The following DHRSX variants were observed in gnomAD, a reference collection of about 807,000 sequenced individuals.
DHRSX encodes the protein dehydrogenase/reductase X-linked.
A neutral mutation model predicts 34.0 loss-of-function variants in DHRSX; 31 were observed. The observed-to-expected ratio is 0.91, with a 90% confidence interval of 0.69 to 1.23. DHRSX has a LOEUF of 1.23. Ranked by LOEUF, DHRSX falls within the 50% of genes most tolerant of loss-of-function variation. The pLI, the probability that DHRSX is intolerant of heterozygous loss-of-function variation, is 0.00. For synonymous variants in DHRSX, 201 were observed against 183.8 expected (o/e 1.09, Z -0.76); for missense variants, 414 against 428.1 (o/e 0.97, Z 0.29).
chrX:2,401,460 T>A (rs2043484680), intron 3 of DHRSX, among the ~76,000 whole-genome samples: 1 of 152,150 alleles, frequency 6.6e-6, no homozygotes, highest in Admixed American at 6.6e-5. Context: ...AGTTACACAA[T>A]CATTATAGAA....
intron 1 of DHRSX, chrX:2,489,523 C>T: frequency 1.2e-6 from 2 of 1,613,076 alleles, no homozygotes; most frequent in Middle Eastern, 3.7e-4. Context: ...GCTGCAGGAG[C>T]TCCACCAGCC....
intron 4 of DHRSX, among the ~76,000 whole-genome samples, chrX:2,267,153 T>G (rs2041486142): frequency 6.6e-6 from 1 of 152,214 alleles, no homozygotes; most frequent in South Asian, 2.1e-4. Context: ...CCTTCCTGCC[T>G]TCTGTCTCTG....
chrX:2,425,142 GAAAA>G, intron 2 of DHRSX, 51 bp downstream of exon 2: 1 of 1,224,980 alleles, frequency 8.2e-7, no homozygotes, highest in Non-Finnish European at 1.2e-6. Context: ...TCCTGTCTCA[GAAAA>G]AAAAAAAAAC....
At chrX:2,484,961 C>A (rs1016604711) in intron 1 of DHRSX, among the ~76,000 whole-genome samples, 1 of 152,042 alleles carries the variant, frequency 6.6e-6, no homozygotes, top group South Asian at 2.1e-4. Context: ...CTAAAACATC[C>A]GAAACCTTTT....
chrX:2,248,432 C>CAAAAAAAAAA (rs574631590), intron 5 of DHRSX, among the ~76,000 whole-genome samples: 1 of 111,072 alleles, frequency 9.0e-6, no homozygotes, highest in Non-Finnish European at 1.9e-5. Context: ...GACTCTGTCT[C>CAAAAAAAAAA]AAAAAAAAAA....
At chrX:2,472,827 T>A (rs1341202660) in intron 1 of DHRSX, among the ~76,000 whole-genome samples, 3 of 151,998 alleles carry the variant, frequency 2.0e-5, no homozygotes, top group Admixed American at 6.6e-5. Flanking sequence ...TTTTACTGAA[T>A]TTTTTTTAAG....
At chrX:2,245,967 A>C (rs1369976362) in intron 5 of DHRSX, among the ~76,000 whole-genome samples, 2 of 147,344 alleles carry the variant, frequency 1.4e-5, no homozygotes, top group Non-Finnish European at 1.5e-5. Context: ...ATCTCAAAAA[A>C]AACAAAAAAA....
chrX:2,426,686 C>T (rs750463770), intron 1 of DHRSX, among the ~76,000 whole-genome samples: 57 of 148,118 alleles, frequency 3.8e-4, no homozygotes, highest in African/African-American at 1.3e-3. Context: ...CCTTCCCTCC[C>T]TTTCCTTCCT....
intron 4 of DHRSX, among the ~76,000 whole-genome samples, chrX:2,289,663 C>A (rs1210580338): frequency 1.3e-5 from 2 of 151,952 alleles, no homozygotes; most frequent in African/African-American, 4.8e-5. Context: ...CTCCACAGTG[C>A]CTCTAAGTGG....
At chrX:2,401,507 A>G (rs1458793679) in intron 3 of DHRSX, among the ~76,000 whole-genome samples, 4 of 152,232 alleles carry the variant, frequency 2.6e-5, no homozygotes, top group Non-Finnish European at 5.9e-5. Flanking sequence ...GAGGATACAC[A>G]GCACGTGTCT....
At chrX:2,298,985 CAAAAAAAAAA>C (rs1162323678) in intron 3 of DHRSX, among the ~76,000 whole-genome samples, 46,246 of 88,780 alleles carry the variant, frequency 0.52, 9,319 homozygotes, top group Middle Eastern at 0.6. Flanking sequence ...AACTCTGTCT[CAAAAAAAAAA>C]AAAAAAAAAA....
intron 5 of DHRSX, among the ~76,000 whole-genome samples, chrX:2,247,831 T>A (rs1457831466): frequency 6.6e-6 from 1 of 152,108 alleles, no homozygotes; most frequent in Non-Finnish European, 1.5e-5. Context: ...GACCTTCTCC[T>A]ACCCTCCTGT....
chrX:2,363,861 A>G (rs1446065054), intron 3 of DHRSX, among the ~76,000 whole-genome samples: 1 of 152,152 alleles, frequency 6.6e-6, no homozygotes, highest in Admixed American at 6.6e-5. Context: ...ATGAGGGAAC[A>G]TGCATGATGG....
chrX:2,491,228 C>G (rs1431668469), intron 1 of DHRSX, among the ~76,000 whole-genome samples: 1 of 152,096 alleles, frequency 6.6e-6, no homozygotes, highest in Admixed American at 6.5e-5. Flanking sequence ...TGCCATCACG[C>G]CTGGCTAATT....
rs1231516913 is a variant in DHRSX at position 2,231,672 on chromosome X, TCTC to T, written c.805-10446_805-10444del. Among the ~76,000 whole-genome samples, 19 of 149,778 alleles carry T rather than the reference TCTC, an allele frequency of 1.3e-4. 1 individual carries two copies. In the South Asian group the frequency reaches 1.7e-3, roughly 13 times the overall value. On this transcript the variant is annotated intron_variant, in intron 6 of 6. Coordinates refer to ENST00000334651, the MANE Select transcript of DHRSX (RefSeq NM_145177.3). Reference sequence around the variant, plus strand: ...CTCTGCCTTTTCTTCTTTTTTTCTTTCTCCTCTTTTCTCTTCTTGCCTTTTCAC... The same window carrying T: ...CTCTGCCTTTTCTTCTTTTTTTCTTTCTCTTTTCTCTTCTTGCCTTTTCAC...
chrX:2,317,341 T>C (rs2042253251), intron 3 of DHRSX, among the ~76,000 whole-genome samples: 1 of 145,534 alleles, frequency 6.9e-6, no homozygotes. Flanking sequence ...AGCCTCCACC[T>C]CCCGGGCTCA....
chrX:2,432,168 A>T (rs749329027), intron 1 of DHRSX, among the ~76,000 whole-genome samples: 65 of 152,106 alleles, frequency 4.3e-4, no homozygotes, highest in Admixed American at 1.3e-3. Context: ...CACTCCAGCC[A>T]GGGCGACAGA....
chrX:2,298,060 GT>G lies in DHRSX; in HGVS notation c.287-6458del, dbSNP rs1404913145. 7.9e-5 allele frequency among the ~76,000 whole-genome samples: 12 copies of G among 151,978 alleles called. No homozygotes were observed. The South Asian group carries it at 1.0e-3, about 13-fold the overall frequency. On this transcript the variant is annotated intron_variant, in intron 3 of 6. Coordinates refer to ENST00000334651, the MANE Select transcript of DHRSX (RefSeq NM_145177.3). ...CATGAGCTACCACGCCTAGCCTGGGGTTTTTATAAGGAGGAGGAACAGGCAT... is the reference window on the plus strand; with the variant it reads ...CATGAGCTACCACGCCTAGCCTGGGGTTTTATAAGGAGGAGGAACAGGCAT...
At chrX:2,249,077 G>A (rs749164186) in intron 5 of DHRSX, among the ~76,000 whole-genome samples, 11 of 152,018 alleles carry the variant, frequency 7.2e-5, no homozygotes, top group South Asian at 2.1e-4. Context: ...TTTCCACTGT[G>A]AAGAACATGG....
Sources: allele counts gnomAD v4.1 joint callset (sites outside exome capture counted in the v4.1 genomes callset), GRCh38; gene constraint gnomAD v4.1.1; transcripts MANE v1.5; gene names NCBI Gene and HGNC (gene_info 2026-07-23, HGNC 2026-07-21).